CYRIA: variants seen among roughly 807,000 people sequenced by gnomAD.
CYRIA encodes the protein CYFIP related Rac1 interactor A.
Under a neutral mutation model 43.9 loss-of-function variants are expected in CYRIA, and 15 were observed. The observed-to-expected ratio is 0.34, with a 90% CI of 0.23 to 0.53. The LOEUF (loss-of-function observed/expected upper bound fraction) is 0.53, where lower values mean the gene tolerates loss of function less well. Among genes scored for constraint, CYRIA ranks in the 20% least tolerant of loss-of-function variants. CYRIA has a pLI of 0.94. For missense variants in CYRIA, 236 were observed against 394.2 expected (o/e 0.60, Z 3.40); for synonymous variants, 117 against 136.0 (o/e 0.86, Z 0.97).
At chr2:16,625,847 TC>T (rs1241686640) in intron 1 of CYRIA, 21 of 151,848 alleles carry the variant, frequency 1.4e-4, no homozygotes, top group African/African-American at 5.1e-4. Flanking sequence ...TTTTTTTTTT[TC>T]TCAAATGTCC....
chr2:16,626,269 C>G (rs1028393489), intron 1 of CYRIA, among the ~76,000 whole-genome samples: 1 of 152,100 alleles, frequency 6.6e-6, no homozygotes, highest in Non-Finnish European at 1.5e-5. Context: ...CCTACTCCAG[C>G]GGGCCCCCTG....
At chr2:16,589,091 C>T (rs1308243075) in intron 2 of CYRIA, among the ~76,000 whole-genome samples, 2 of 151,952 alleles carry the variant, frequency 1.3e-5, no homozygotes, top group Non-Finnish European at 2.9e-5. Flanking sequence ...CACATATTTA[C>T]GGAGGAGCGA....
rs771845070 is a variant in CYRIA, at chr2:16,561,290, A to T, written c.514-13T>A. ...TCTCAATGTCTAGCTGATGAAAATAAGAAGAGAAGATGGATTTATAAAGAG... is the reference window on the plus strand; with the variant it reads ...TCTCAATGTCTAGCTGATGAAAATATGAAGAGAAGATGGATTTATAAAGAG... On this transcript the variant is annotated splice_polypyrimidine_tract_variant and intron_variant, in intron 7 of 11. Transcript: ENST00000381323. 1.6e-5 allele frequency: 26 copies of T among 1,582,070 alleles called. No homozygotes were observed. In the Admixed American group the frequency reaches 3.5e-4, roughly 21 times the overall value.
intron 4 of CYRIA, among the ~76,000 whole-genome samples, chr2:16,564,364 T>C (rs1666855296): frequency 6.6e-6 from 1 of 152,144 alleles, no homozygotes. Context: ...ACATCTAAAT[T>C]GGAAGAAACT....
intron 1 of CYRIA, among the ~76,000 whole-genome samples, chr2:16,645,586 T>C (rs1669796485): frequency 6.6e-6 from 1 of 152,156 alleles, no homozygotes; most frequent in Admixed American, 6.5e-5. Context: ...GATCACGTCA[T>C]TGGAAAAGGA....
chr2:16,664,585 T>A (rs1465482666), intron 1 of CYRIA, among the ~76,000 whole-genome samples: 2 of 152,074 alleles, frequency 1.3e-5, no homozygotes, highest in African/African-American at 4.8e-5. Flanking sequence ...CAAAGAACTC[T>A]GGTACCCAAG....
At position 16,571,414 on chromosome 2, in the gene CYRIA, G is replaced by A. The variant is rs541937462; in HGVS notation, c.71-5647C>T. ...TGCTTTGTTTTTGGGGAAGGTCTTC[G>A]GTGAACCTGCCACAGGGCACGACAG... is the stretch of plus-strand genomic sequence containing the variant. On this transcript the variant is annotated intron_variant, in intron 3 of 11. Coordinates refer to ENST00000381323, the MANE Select transcript of CYRIA (RefSeq NM_030797.4). Among the ~76,000 whole-genome samples the A allele has an allele frequency of 4.6e-5, 7 of 152,302 alleles. No individual in the cohort carries two copies. In the East Asian group the frequency reaches 5.8e-4, roughly 13 times the overall value.
intron 1 of CYRIA, among the ~76,000 whole-genome samples, chr2:16,643,299 G>A (rs1468205244): frequency 1.3e-5 from 2 of 152,114 alleles, no homozygotes; most frequent in Non-Finnish European, 2.9e-5. Flanking sequence ...GAATGGCATT[G>A]AGCCACAGAG....
intron 2 of CYRIA, among the ~76,000 whole-genome samples, chr2:16,612,505 A>C (rs1457074311): frequency 6.6e-6 from 1 of 152,242 alleles, no homozygotes; most frequent in African/African-American, 2.4e-5. Flanking sequence ...AGATAATTTG[A>C]GTCAACAAGA....
intron 3 of CYRIA, among the ~76,000 whole-genome samples, chr2:16,582,160 T>G (rs891403070): frequency 6.6e-6 from 1 of 152,134 alleles, no homozygotes; most frequent in African/African-American, 2.4e-5. Context: ...AATGTGAACT[T>G]AAGATCAGTG....
intron 3 of CYRIA, among the ~76,000 whole-genome samples, chr2:16,571,873 T>G (rs187215165): frequency 2.6e-5 from 4 of 152,320 alleles, no homozygotes; most frequent in Admixed American, 2.6e-4. Context: ...TGTGGGGATG[T>G]AAAATGGAAG....
chr2:16,558,849 A>C (rs1454603013), intron 10 of CYRIA, among the ~76,000 whole-genome samples: 1 of 152,064 alleles, frequency 6.6e-6, no homozygotes, highest in Non-Finnish European at 1.5e-5. Flanking sequence ...TGCTCTGGCG[A>C]CCAGAGAAGC....
chr2:16,659,570 C>A (rs140934245), intron 1 of CYRIA, among the ~76,000 whole-genome samples: 1 of 152,306 alleles, frequency 6.6e-6, no homozygotes, highest in African/African-American at 2.4e-5. Context: ...GACCCCGGGT[C>A]TTCTTGGACT....
chr2:16,609,295 A>G (rs1668513334), intron 2 of CYRIA, among the ~76,000 whole-genome samples: 3 of 152,238 alleles, frequency 2.0e-5, no homozygotes, highest in Admixed American at 6.5e-5. Context: ...CTGGGGCCCC[A>G]GGCTCTTCTC....
chr2:16,622,866 G>A (rs1416228279), intron 2 of CYRIA: 3 of 152,200 alleles, frequency 2.0e-5, no homozygotes, highest in Non-Finnish European at 2.9e-5. Context: ...ATAAGAGTCT[G>A]GCATAAGAAA....
chr2:16,621,788 A>T (rs966560589), intron 2 of CYRIA, among the ~76,000 whole-genome samples: 13 of 152,126 alleles, frequency 8.5e-5, no homozygotes, highest in African/African-American at 2.7e-4. Context: ...CATTTCCCTC[A>T]ACTCTCTAGC....
intron 1 of CYRIA, among the ~76,000 whole-genome samples, chr2:16,637,185 C>T (rs1032964323): frequency 2.6e-5 from 4 of 152,094 alleles, no homozygotes; most frequent in African/African-American, 7.2e-5. Context: ...GATTGCAGTG[C>T]TCATCAAACT....
At chr2:16,641,271 T>A (rs1669668303) in intron 1 of CYRIA, among the ~76,000 whole-genome samples, 1 of 152,072 alleles carries the variant, frequency 6.6e-6, no homozygotes, top group Non-Finnish European at 1.5e-5. Context: ...CTTCATTGAG[T>A]CCCTGGCCCA....
At chr2:16,612,018 C>T (rs2103492299) in intron 2 of CYRIA, among the ~76,000 whole-genome samples, 1 of 152,238 alleles carries the variant, frequency 6.6e-6, no homozygotes, top group East Asian at 1.9e-4. Context: ...CCTTGTGCCA[C>T]AGCCCCCTGT....
Sources: allele counts gnomAD v4.1 joint callset (sites outside exome capture counted in the v4.1 genomes callset), GRCh38; gene constraint gnomAD v4.1.1; transcripts MANE v1.5; gene names NCBI Gene and HGNC (gene_info 2026-07-23, HGNC 2026-07-21).